SNAP91: variants seen among roughly 807,000 people sequenced by gnomAD.
SNAP91 encodes the protein synaptosome associated protein 91.
Under a neutral mutation model 100.3 loss-of-function variants are expected in SNAP91, and 27 were observed. The observed-to-expected ratio is 0.27, with a 90% CI of 0.20 to 0.37. The LOEUF is 0.37. SNAP91 is among the 10% of genes least tolerant of loss of function. The pLI is 1.00. For missense variants in SNAP91, 986 were observed against 1,123.7 expected (o/e 0.88, Z 1.75); for synonymous variants, 404 against 398.6 (o/e 1.01, Z -0.16).
intron 22 of SNAP91, among the ~76,000 whole-genome samples, chr6:83,586,919 G>A (rs2128160072): frequency 6.6e-6 from 1 of 151,166 alleles, no homozygotes; most frequent in South Asian, 2.1e-4. Context: ...TATACTGCAT[G>A]CACCAAACAC....
chr6:83,636,482 C>G (rs763947705), intron 8 of SNAP91, among the ~76,000 whole-genome samples: 3 of 152,192 alleles, frequency 2.0e-5, no homozygotes, highest in Non-Finnish European at 4.4e-5. Flanking sequence ...ACTACATTTT[C>G]AAATTCCTGT....
At chr6:83,694,540 C>T (rs1331039969) in intron 2 of SNAP91, among the ~76,000 whole-genome samples, 2 of 152,194 alleles carry the variant, frequency 1.3e-5, no homozygotes, top group Non-Finnish European at 2.9e-5. Context: ...ATGACCTGTG[C>T]TAAGCAAATC....
intron 2 of SNAP91, among the ~76,000 whole-genome samples, chr6:83,669,359 A>G (rs993438618): frequency 6.6e-6 from 1 of 152,006 alleles, no homozygotes; most frequent in Non-Finnish European, 1.5e-5. Flanking sequence ...AACACACAGA[A>G]AAAATTCTTA....
intron 11 of SNAP91, among the ~76,000 whole-genome samples, chr6:83,614,552 T>A (rs1037492610): frequency 1.3e-5 from 2 of 152,134 alleles, no homozygotes; most frequent in African/African-American, 4.8e-5. Flanking sequence ...CATGGGGAAG[T>A]CTTTTGTTTA....
chr6:83,688,986 G>A (rs1014108534), intron 2 of SNAP91, among the ~76,000 whole-genome samples: 25 of 152,174 alleles, frequency 1.6e-4, no homozygotes, highest in African/African-American at 4.8e-4. Context: ...TGGTAAGTTC[G>A]TGCAAGACCC....
chr6:83,663,275 C>T (rs892625027), intron 3 of SNAP91, among the ~76,000 whole-genome samples: 1 of 152,072 alleles, frequency 6.6e-6, no homozygotes, highest in Admixed American at 6.6e-5. Flanking sequence ...GGAAGAGTCA[C>T]ACATCTCTCA....
chr6:83,560,080 T>G (rs1784798995), intron 28 of SNAP91, 24 bp downstream of exon 28: 5 of 1,564,190 alleles, frequency 3.2e-6, no homozygotes, highest in East Asian at 2.2e-5. Context: ...ATGTCACTGA[T>G]TTGTGGACAT....
At chr6:83,591,979 G>A (rs1305406983) in intron 21 of SNAP91, among the ~76,000 whole-genome samples, 1 of 152,200 alleles carries the variant, frequency 6.6e-6, no homozygotes, top group East Asian at 1.9e-4. Context: ...TCTTTGTAAG[G>A]ATAGCAAAAC....
At chr6:83,706,019 T>A (rs189980601) in intron 2 of SNAP91, among the ~76,000 whole-genome samples, 20 of 152,314 alleles carry the variant, frequency 1.3e-4, no homozygotes, top group Non-Finnish European at 2.2e-4. Flanking sequence ...TTTCCACATC[T>A]TAGAAATCAT....
intron 11 of SNAP91, among the ~76,000 whole-genome samples, chr6:83,613,906 G>C (rs1272853637): frequency 6.6e-6 from 1 of 152,074 alleles, no homozygotes; most frequent in Non-Finnish European, 1.5e-5. Context: ...AATGAACCAT[G>C]TTGGAAAAAC....
At chr6:83,650,256 T>C (rs2098138605) in intron 7 of SNAP91, among the ~76,000 whole-genome samples, 1 of 152,340 alleles carries the variant, frequency 6.6e-6, no homozygotes, top group Admixed American at 6.5e-5. Flanking sequence ...CTTCGGACAT[T>C]AATGTTGGAA....
At chr6:83,688,940 C>T (rs1486832611) in intron 2 of SNAP91, among the ~76,000 whole-genome samples, 3 of 152,160 alleles carry the variant, frequency 2.0e-5, no homozygotes, top group East Asian at 1.9e-4. Context: ...TAGAGGCTGC[C>T]GTGTCTTTTC....
chr6:83,570,709 C>G (rs2128021044), intron 26 of SNAP91, among the ~76,000 whole-genome samples: 1 of 152,284 alleles, frequency 6.6e-6, no homozygotes, highest in South Asian at 2.1e-4. Flanking sequence ...TAGTCCCAAA[C>G]CTTGGCAGCT....
intron 7 of SNAP91, among the ~76,000 whole-genome samples, chr6:83,651,925 C>T (rs993485750): frequency 1.5e-4 from 23 of 152,062 alleles, no homozygotes; most frequent in Non-Finnish European, 1.5e-4. Context: ...TGATTGTCTG[C>T]TGTTAGGTGC....
chr6:83,561,173 G>A (rs1168498863), intron 26 of SNAP91, among the ~76,000 whole-genome samples: 3 of 152,120 alleles, frequency 2.0e-5, no homozygotes, highest in Non-Finnish European at 2.9e-5. Context: ...CTACTGAATA[G>A]CTGGGACCAT....
chr6:83,586,899 A>G (rs1388999169), intron 22 of SNAP91, among the ~76,000 whole-genome samples: 1 of 142,816 alleles, frequency 7.0e-6, no homozygotes, highest in Non-Finnish European at 1.5e-5. Flanking sequence ...AGAATTTTTT[A>G]TCATTTCACT....
intron 7 of SNAP91, among the ~76,000 whole-genome samples, chr6:83,652,037 T>C (rs2098229661): frequency 6.6e-6 from 1 of 152,176 alleles, no homozygotes; most frequent in African/African-American, 2.4e-5. Context: ...TTTTGATTAG[T>C]GTTAGCATGG....
At chr6:83,705,333 T>A (rs932904845) in intron 2 of SNAP91, among the ~76,000 whole-genome samples, 2 of 152,226 alleles carry the variant, frequency 1.3e-5, no homozygotes, top group African/African-American at 4.8e-5. Flanking sequence ...TCATGCATAT[T>A]ATAAAGACTG....
chr6:83,594,088 T>C (rs1198501703), intron 17 of SNAP91, among the ~76,000 whole-genome samples: 1 of 152,092 alleles, frequency 6.6e-6, no homozygotes, highest in Non-Finnish European at 1.5e-5. Context: ...CCAATATATT[T>C]GAACTCAATG....
Sources: allele counts gnomAD v4.1 joint callset (sites outside exome capture counted in the v4.1 genomes callset), GRCh38; gene constraint gnomAD v4.1.1; transcripts MANE v1.5; gene names NCBI Gene and HGNC (gene_info 2026-07-23, HGNC 2026-07-21).